ASPH: variants seen among roughly 807,000 people sequenced by gnomAD.
ASPH encodes aspartate beta-hydroxylase.
In ASPH, 100 loss-of-function variants were observed where a neutral mutation model predicts 118.4. The ratio of observed to expected loss-of-function variants is 0.84; its 90% CI spans 0.72 to 1.00. The LOEUF is 1.00. ASPH is among the 50% of genes least tolerant of loss of function. The probability of loss-of-function intolerance (pLI) is 0.00; values close to 1 mark genes in which losing one functional copy is unlikely to be tolerated. For synonymous variants in ASPH, 315 were observed against 325.6 expected, an observed-to-expected ratio of 0.97 and a Z score of 0.35; for missense variants, 920 against 919.5, an observed-to-expected ratio of 1.00 and a Z score of -0.01.
At chr8:61,525,379 C>T (rs959941025) in intron 22 of ASPH, among the ~76,000 whole-genome samples, 3 of 151,812 alleles carry the variant, frequency 2.0e-5, no homozygotes, top group South Asian at 2.1e-4. Flanking sequence ...CATACACACA[C>T]GCTGGAGCTC....
At chr8:61,561,166 C>A (rs1829855388) in intron 18 of ASPH, among the ~76,000 whole-genome samples, 1 of 147,682 alleles carries the variant, frequency 6.8e-6, no homozygotes, top group South Asian at 2.1e-4. Flanking sequence ...CTACAAGTTC[C>A]ATTTTTGTGG....
chr8:61,714,297 C>G lies in ASPH; in HGVS notation c.75G>C (p.Ala25=), dbSNP rs1178619331. 2.6e-6 allele frequency: 4 copies of G among 1,522,082 alleles called. No individual in the cohort carries two copies. In the Admixed American group the frequency reaches 6.2e-5, roughly 24 times the overall value. 94.3% of individuals were successfully genotyped at this position (1,522,082 alleles called of 1,614,324 possible). The change falls in exon 1 of 25, where the codon GCG becomes GCC. Residue 25 remains alanine, a synonymous_variant. Coordinates refer to ENST00000379454, the MANE Select transcript of ASPH (RefSeq NM_004318.4). The part of the protein sequence containing the change: ...SSGSGSGSTS[A]GSSSPGARRE... Reference sequence around the variant, plus strand: ...TCCGGGCCCCGGGGCTGCTGCTGCCCGCACTCGTGCTACCGCTGCCGGAGC... The same window carrying G: ...TCCGGGCCCCGGGGCTGCTGCTGCCGGCACTCGTGCTACCGCTGCCGGAGC...
rs1808235709 is a variant in ASPH, at chr8:61,646,815, T to G, written c.554A>C (p.Glu185Ala). The G allele has an allele frequency of 6.2e-7, 1 of 1,613,826 alleles. No individual in the cohort carries two copies. The highest frequency in any genetic ancestry group is 1.3e-5 in the African/African-American group (1 of 74,900). Residue 185 changes from glutamate to alanine, a missense_variant, in exon 6 of 25, where the codon GAG (glutamate) becomes GCG (alanine). Glu to Ala is a moderately radical substitution (Grantham distance 107). Transcript: ENST00000379454. ...PTGEPQQEDD[E>A]FLMATDVDDR... ...ATCTACATCAGTCGCCATAAGAAAC[T>G]CATCATCCTCTTGTTGTGGTTCTCC...
At chr8:61,700,537 C>T (rs938613730) in intron 1 of ASPH, among the ~76,000 whole-genome samples, 2 of 151,870 alleles carry the variant, frequency 1.3e-5, no homozygotes, top group Non-Finnish European at 2.9e-5. Flanking sequence ...AAGCTATTTC[C>T]TGTTAGCATC....
rs1354658107 is a variant in ASPH, at chr8:61,539,243, A to AAT, written c.1764+8826_1764+8827dup. Among the ~76,000 whole-genome samples, 5 of 152,052 alleles carry AAT rather than the reference A, an allele frequency of 3.3e-5. No individual in the cohort carries two copies. In the East Asian group the frequency reaches 5.8e-4, roughly 18 times the overall value. ...GCGACAGAGTGAGACTCCATCTCAA[A>AAT]ATATATATATATTTAAAATTATAGT... On this transcript the variant is annotated intron_variant, in intron 21 of 24. Coordinates refer to ENST00000379454, the MANE Select transcript of ASPH (RefSeq NM_004318.4).
intron 12 of ASPH, 113 bp from the exon 13 acceptor site, chr8:61,633,840 A>G (rs953849437): frequency 2.4e-5 from 17 of 715,158 alleles, no homozygotes; most frequent in Non-Finnish European, 3.5e-5. Context: ...TAAACAATTC[A>G]ATTGAAATTT....
rs142979693 is a variant in ASPH, at chr8:61,573,104, C to T, written c.1149+3668G>A. On this transcript the variant is annotated intron_variant, in intron 16 of 24. Coordinates refer to ENST00000379454, the MANE Select transcript of ASPH (RefSeq NM_004318.4). ...GAGAGCCAAATCATGAGTGAACTCC[C>T]GTTCACGATTGCTTCAAAGAGAATT... Among the ~76,000 whole-genome samples, 958 of 152,192 alleles carry T rather than the reference C, an allele frequency of 6.3e-3. 7 individuals carry two copies. The highest frequency in any genetic ancestry group is 0.022 in the African/African-American group (914 of 41,518).
intron 16 of ASPH, among the ~76,000 whole-genome samples, chr8:61,576,348 G>GA (rs1835134955): frequency 6.6e-6 from 1 of 152,080 alleles, no homozygotes; most frequent in Non-Finnish European, 1.5e-5. Context: ...GAGTCCGTTG[G>GA]AAAAAACTAT....
At chr8:61,578,862 G>T (rs1176283470) in intron 15 of ASPH, 5 of 1,612,884 alleles carry the variant, frequency 3.1e-6, no homozygotes, top group Middle Eastern at 1.7e-4. Flanking sequence ...GTCTCGCCTG[G>T]AAGGGCTGAC....
chr8:61,520,548 T>C lies in ASPH; in HGVS notation c.1901-2425A>G, dbSNP rs555806667. ...CTAAGTAACCTTTTTGGCTCTTAAT[T>C]GAATAAAATGTTAATTGCTATTTTT... On this transcript the variant is annotated intron_variant, in intron 22 of 24. Coordinates refer to ENST00000379454, the MANE Select transcript of ASPH (RefSeq NM_004318.4). 1.0e-3 allele frequency among the ~76,000 whole-genome samples: 157 copies of C among 152,350 alleles called. 2 individuals are homozygous for C. The highest frequency in any genetic ancestry group is 3.4e-3 in the African/African-American group (142 of 41,584).
chr8:61,707,869 T>C lies in ASPH; in HGVS notation c.103+6400A>G, dbSNP rs540485724. Among the ~76,000 whole-genome samples the C allele has an allele frequency of 7.2e-5, 11 of 152,310 alleles. No individual in the cohort carries two copies. The South Asian group carries it at 2.1e-3, about 29-fold the overall frequency. ...CAGTATATATACATATATGTGTGTG[T>C]GTGTATAGGTATATTTCTACACATA... On this transcript the variant is annotated intron_variant, in intron 1 of 24. Coordinates refer to ENST00000379454, the MANE Select transcript of ASPH (RefSeq NM_004318.4).
At chr8:61,675,320 T>C in intron 3 of ASPH, 3 of 919,652 alleles carry the variant, frequency 3.3e-6, no homozygotes, top group Non-Finnish European at 3.9e-6. Flanking sequence ...TTCCCTCTTG[T>C]GTAATATGCC....
At chr8:61,646,958 C>T in intron 5 of ASPH, 80 bp from the exon 6 acceptor site, 2 of 1,579,998 alleles carry the variant, frequency 1.3e-6, no homozygotes, top group East Asian at 2.2e-5. Context: ...CACACACCTG[C>T]TCCTGCTGCT....
chr8:61,583,541 CAA>C (rs11311318), intron 15 of ASPH: 905 of 112,884 alleles, frequency 8.0e-3, no homozygotes, highest in South Asian at 0.015. Flanking sequence ...AGGCTCTGTC[CAA>C]AAAAAAAAAA....
rs1428920740 is a variant in ASPH at position 61,714,436 on chromosome 8, G to C, written c.-65C>G. The C allele has an allele frequency of 7.3e-7, 1 of 1,367,858 alleles. No homozygotes were observed. The highest frequency in any genetic ancestry group is 1.6e-5 in the South Asian group (1 of 60,942). The allele number at this position is 1,367,858 out of a possible 1,614,324, so 84.7% of individuals were successfully genotyped here. A position where few individuals can be genotyped will look rare whatever the true frequency, so the allele number is the denominator to read the frequency against. On this transcript the variant is annotated 5_prime_UTR_variant, in exon 1 of 25. Coordinates refer to ENST00000379454, the MANE Select transcript of ASPH (RefSeq NM_004318.4). Reference sequence around the variant, plus strand: ...CTTCAGTGCGCGGGGGTACACACGCGACGCGGGAACCGCTGGCGGCGGCGG... The same window carrying C: ...CTTCAGTGCGCGGGGGTACACACGCCACGCGGGAACCGCTGGCGGCGGCGG...
chr8:61,684,476 G>T, intron 1 of ASPH: 1 of 253,666 alleles, frequency 3.9e-6, no homozygotes, highest in Non-Finnish European at 7.5e-6. Context: ...AAAATGACCT[G>T]AATATTACCT....
rs556868031 is a variant in ASPH at position 61,565,624 on chromosome 8, A to G, written c.1300+1544T>C. Among the ~76,000 whole-genome samples the G allele has an allele frequency of 2.7e-3, 188 of 68,608 alleles. 2 individuals carry two copies. The highest frequency in any genetic ancestry group is 9.2e-3 in the African/African-American group (174 of 18,876). The allele number at this position is 68,608 out of a possible 152,430, so 45.0% of individuals were successfully genotyped here. A position where few individuals can be genotyped will look rare whatever the true frequency, so the allele number is the denominator to read the frequency against. ...GTTTCCAGAAGATCTAGCTAAGATC[A>G]TTGATGAAGTGATCTACACTAAACA... On this transcript the variant is annotated intron_variant, in intron 17 of 24. Coordinates refer to ENST00000379454, the MANE Select transcript of ASPH (RefSeq NM_004318.4).
intron 3 of ASPH, among the ~76,000 whole-genome samples, chr8:61,653,955 T>C (rs1812380703): frequency 6.6e-6 from 1 of 152,224 alleles, no homozygotes; most frequent in Admixed American, 6.5e-5. Flanking sequence ...AAGTTCAATA[T>C]GAGTTCAAGC....
At chr8:61,527,508 CAAGA>C (rs1815840284) in intron 21 of ASPH, among the ~76,000 whole-genome samples, 1 of 152,162 alleles carries the variant, frequency 6.6e-6, no homozygotes, top group Admixed American at 6.5e-5. Context: ...TATTCTAGGG[CAAGA>C]AAGAGATTTT....
Sources: allele counts gnomAD v4.1 joint callset (sites outside exome capture counted in the v4.1 genomes callset), GRCh38; gene constraint gnomAD v4.1.1; transcripts MANE v1.5; gene names NCBI Gene and HGNC (gene_info 2026-07-23, HGNC 2026-07-21).